The following CNIH1 variants were observed in gnomAD, a reference collection of about 807,000 sequenced individuals.
The protein encoded by CNIH1 is protein cornichon homolog 1.
In CNIH1, 12 loss-of-function variants were observed where a neutral mutation model predicts 20.2. The ratio of observed to expected loss-of-function variants is 0.59; its 90% confidence interval spans 0.38 to 0.96. CNIH1 has a LOEUF of 0.96. CNIH1 is among the 40% of genes least tolerant of loss of function. The pLI is 0.00. For synonymous variants in CNIH1, 69 were observed against 63.3 expected (o/e 1.09, Z -0.43); for missense variants, 152 against 178.8 (o/e 0.85, Z 0.85).
intron 4 of CNIH1, among the ~76,000 whole-genome samples, chr14:54,428,094 T>C (rs1216474834): frequency 1.3e-5 from 2 of 152,236 alleles, no homozygotes; most frequent in African/African-American, 4.8e-5. Context: ...GAAAGCTTAA[T>C]GGCGGATCAG....
Position 54,425,131 on chromosome 14 carries a change from T to C in CNIH1, c.*2683A>G, listed in dbSNP as rs115635085. 263 of 152,300 alleles carry C rather than the reference T, an allele frequency of 1.7e-3. 1 individual carries two copies. Among genetic ancestry groups the C allele is most frequent in the African/African-American group, 6.2e-3 (256 of 41,562 alleles). The allele number at this position is 152,300 out of a possible 1,614,324, so 9.4% of individuals were successfully genotyped here. ...TAATTTCTACACCATACCTCCTTAG[T>C]ATTAAAGGGCCATACTGCCACAATA... On this transcript the variant is annotated 3_prime_UTR_variant, in exon 5 of 5. Transcript: ENST00000216416.
intron 2 of CNIH1, 26 bp from the exon 3 acceptor site, chr14:54,432,246 T>C (rs764535356): frequency 6.2e-6 from 8 of 1,296,666 alleles, no homozygotes; most frequent in Non-Finnish European, 8.5e-6. Context: ...AAGCCAGTTA[T>C]CAAAATGCCT....
At chr14:54,431,378 G>A (rs1379666358) in intron 3 of CNIH1, among the ~76,000 whole-genome samples, 3 of 150,918 alleles carry the variant, frequency 2.0e-5, no homozygotes, top group South Asian at 4.2e-4. Context: ...CACCCACTTC[G>A]GCCTCCCAAA....
chr14:54,437,875 T>C (rs909045718), intron 1 of CNIH1, among the ~76,000 whole-genome samples: 6 of 152,144 alleles, frequency 3.9e-5, no homozygotes, highest in African/African-American at 1.4e-4. Context: ...ACAAGGATGA[T>C]AATCATAAGT....
In CNIH1 at chr14:54,425,564, A is replaced by G. The variant is rs1253984317; in HGVS notation, c.*2250T>C. ...CAGAGCAATGAAAAGAGCCAGTCGG[A>G]TATTGTCAGATTCAAGTATTTCGTT... On this transcript the variant is annotated 3_prime_UTR_variant, in exon 5 of 5. Transcript: ENST00000216416. 6.6e-6 allele frequency: 1 copy of G among 152,242 alleles called. No individual in the cohort carries two copies. The highest frequency in any genetic ancestry group is 6.5e-5 in the Admixed American group (1 of 15,274). The allele number at this position is 152,242 out of a possible 1,614,324, so 9.4% of individuals were successfully genotyped here. A position where few individuals can be genotyped will look rare whatever the true frequency, so the allele number is the denominator to read the frequency against.
chr14:54,431,624 C>G (rs529854011), intron 3 of CNIH1, among the ~76,000 whole-genome samples: 1 of 152,148 alleles, frequency 6.6e-6, no homozygotes, highest in African/African-American at 2.4e-5. Context: ...TACAAATAAC[C>G]AAAATTAGTC....
chr14:54,430,963 C>A (rs973408681), intron 3 of CNIH1, among the ~76,000 whole-genome samples: 5 of 152,028 alleles, frequency 3.3e-5, no homozygotes, highest in Non-Finnish European at 2.9e-5. Flanking sequence ...TCCCAAGTAG[C>A]GGGGACTACA....
At chr14:54,437,978 G>GTT (rs368797544) in intron 1 of CNIH1, among the ~76,000 whole-genome samples, 20 of 141,788 alleles carry the variant, frequency 1.4e-4, no homozygotes, top group Non-Finnish European at 1.1e-4. Flanking sequence ...GACTTCAAGG[G>GTT]TTTTTTTTTT....
chr14:54,435,924 A>G (rs1331551561), intron 2 of CNIH1, among the ~76,000 whole-genome samples: 1 of 152,232 alleles, frequency 6.6e-6, no homozygotes, highest in Admixed American at 6.5e-5. Flanking sequence ...GCCAGCAAGC[A>G]TATATTTGCA....
chr14:54,436,098 CTT>C lies in CNIH1; in HGVS notation c.150+269_150+270del, dbSNP rs1566717711. The C allele has an allele frequency of 7.1e-6, 5 of 702,384 alleles. No individual in the cohort carries two copies. The East Asian group carries it at 1.1e-4, about 15-fold the overall frequency. The allele number at this position is 702,384 out of a possible 1,614,324, so 43.5% of individuals were successfully genotyped here. On this transcript the variant is annotated intron_variant, in intron 2 of 4. Coordinates refer to ENST00000216416, the MANE Select transcript of CNIH1 (RefSeq NM_005776.3). ...ACACACCTTTAATGCAATTTTGACT[CTT>C]TTAATCTTTTTGACCTTTTCAACTG...
At position 54,441,335 on chromosome 14, in the gene CNIH1, G is replaced by C. The variant is rs1319499652; in HGVS notation, c.-8C>G. On this transcript the variant is annotated 5_prime_UTR_variant, in exon 1 of 5. Coordinates refer to ENST00000216416, the MANE Select transcript of CNIH1 (RefSeq NM_005776.3). ...CGCGAACGTGAACGCCATGGCTGGG[G>C]AGGAGGAGCGGGGAGCGGCGCCGTT... is the stretch of plus-strand genomic sequence containing the variant. The C allele has an allele frequency of 2.0e-6, 3 of 1,499,884 alleles. No individual in the cohort carries two copies. The highest frequency in any genetic ancestry group is 1.8e-6 in the Non-Finnish European group (2 of 1,117,428). 92.9% of individuals were successfully genotyped at this position (1,499,884 alleles called of 1,614,324 possible).
chr14:54,441,012 T>C (rs376940815), intron 1 of CNIH1, among the ~76,000 whole-genome samples: 2 of 150,962 alleles, frequency 1.3e-5, no homozygotes, highest in East Asian at 2.0e-4. Context: ...AGGGGAGGAG[T>C]AGCGGTGCGC....
intron 2 of CNIH1, among the ~76,000 whole-genome samples, chr14:54,435,313 C>G (rs2031034101): frequency 6.6e-6 from 1 of 152,126 alleles, no homozygotes; most frequent in Non-Finnish European, 1.5e-5. Context: ...GAGATTGAGG[C>G]AGGACGATCA....
At position 54,437,384 on chromosome 14, in the gene CNIH1, C is replaced by A. The variant is rs756162263; in HGVS notation, c.82-947G>T. Among the ~76,000 whole-genome samples, 145 of 152,110 alleles carry A rather than the reference C, an allele frequency of 9.5e-4. 1 individual carries two copies. Among genetic ancestry groups the A allele is most frequent in the Admixed American group, 6.6e-3 (101 of 15,266 alleles). ...CAGTAATCAGTAAAGTTACATATTT[C>A]CATCTTTTAACATGACTGTTTATTT... On this transcript the variant is annotated intron_variant, in intron 1 of 4. Coordinates refer to ENST00000216416, the MANE Select transcript of CNIH1 (RefSeq NM_005776.3).
Position 54,426,516 on chromosome 14 carries a change from C to T in CNIH1, c.*1298G>A, listed in dbSNP as rs1000407415. ...TTATTTTCAACTGCCTTAACTTCCT[C>T]ATCCCAAATAAAGCACAAGATTTAT... On this transcript the variant is annotated 3_prime_UTR_variant, in exon 5 of 5. Coordinates refer to ENST00000216416, the MANE Select transcript of CNIH1 (RefSeq NM_005776.3). 1 of 152,164 alleles carries T rather than the reference C, an allele frequency of 6.6e-6. No homozygotes were observed. Among genetic ancestry groups the T allele is most frequent in the Non-Finnish European group, 1.5e-5 (1 of 68,016 alleles). 9.4% of individuals were successfully genotyped at this position (152,164 alleles called of 1,614,324 possible).
At chr14:54,435,069 A>G (rs970511172) in intron 2 of CNIH1, among the ~76,000 whole-genome samples, 1 of 152,224 alleles carries the variant, frequency 6.6e-6, no homozygotes, top group African/African-American at 2.4e-5. Context: ...ATGCTAGACA[A>G]TTAAAATCTA....
intron 2 of CNIH1, among the ~76,000 whole-genome samples, chr14:54,434,072 G>T (rs1299111917): frequency 6.6e-6 from 1 of 152,046 alleles, no homozygotes; most frequent in African/African-American, 2.4e-5. Context: ...AGCAAATATG[G>T]CTGAAATGAT....
rs1428280489 is a variant in CNIH1 at position 54,426,727 on chromosome 14, C to T, written c.*1087G>A. On this transcript the variant is annotated 3_prime_UTR_variant, in exon 5 of 5. Coordinates refer to ENST00000216416, the MANE Select transcript of CNIH1 (RefSeq NM_005776.3). Reference sequence around the variant, plus strand: ...AGAAATGATGATGCTATGCCATCCACGTTTATGAATCTTGTCAAATGACAA... The same window carrying T: ...AGAAATGATGATGCTATGCCATCCATGTTTATGAATCTTGTCAAATGACAA... The T allele has an allele frequency of 6.6e-6, 1 of 152,136 alleles. No individual in the cohort carries two copies. Among genetic ancestry groups the T allele is most frequent in the Admixed American group, 6.5e-5 (1 of 15,280 alleles). The allele number at this position is 152,136 out of a possible 1,614,324, so 9.4% of individuals were successfully genotyped here.
At chr14:54,429,389 C>T (rs1259432938) in intron 4 of CNIH1, among the ~76,000 whole-genome samples, 2 of 152,210 alleles carry the variant, frequency 1.3e-5, no homozygotes, top group East Asian at 3.8e-4. Flanking sequence ...AATTCCCACA[C>T]AGCCCAGAAG....
Sources: gnomAD v4.1 joint callset for allele counts (sites outside exome capture counted in the v4.1 genomes callset) on GRCh38, gnomAD v4.1.1 for gene constraint, MANE v1.5 for transcripts, NCBI Gene and HGNC (gene_info 2026-07-23, HGNC 2026-07-21) for gene names.